Variants in ROCK1 observed in about 807,000 individuals in gnomAD.
ROCK1 encodes the protein Rho associated coiled-coil containing protein kinase 1, also known as rho-associated protein kinase 1.
ROCK1 carries 36 observed loss-of-function variants against 196.8 expected under a neutral mutation model. That is an observed-to-expected ratio of 0.18 (90% CI 0.14 to 0.24). The LOEUF is 0.24. Ranked by LOEUF, ROCK1 falls within the 10% of genes least tolerant of loss-of-function variation. ROCK1 has a pLI of 1.00. For missense variants in ROCK1, 920 were observed against 1,562.0 expected, an observed-to-expected ratio of 0.59 and a Z score of 6.93; for synonymous variants, 443 against 515.9, an observed-to-expected ratio of 0.86 and a Z score of 1.91.
chr18:20,985,411 C>T (rs566808856), intron 19 of ROCK1, among the ~76,000 whole-genome samples: 7 of 152,236 alleles, frequency 4.6e-5, no homozygotes, highest in African/African-American at 1.2e-4. Flanking sequence ...ATTTCTTGTA[C>T]GCACTACTCC....
chr18:21,038,086 T>C (rs2036072452), intron 9 of ROCK1, among the ~76,000 whole-genome samples: 1 of 152,180 alleles, frequency 6.6e-6, no homozygotes, highest in Non-Finnish European at 1.5e-5. Flanking sequence ...TTTATTCAGA[T>C]TTATAATAAT....
chr18:21,078,150 G>A (rs550272318), intron 1 of ROCK1, among the ~76,000 whole-genome samples: 10 of 152,204 alleles, frequency 6.6e-5, no homozygotes, highest in African/African-American at 2.2e-4. Flanking sequence ...CCAATATGGC[G>A]AAACCCCGTC....
At position 21,028,757 on chromosome 18, in the gene ROCK1, C is replaced by T. The variant is rs1380100008; in HGVS notation, c.1211+19G>A. The T allele has an allele frequency of 1.3e-6, 2 of 1,576,352 alleles. No homozygotes were observed. Among genetic ancestry groups the T allele is most frequent in the Admixed American group, 2.0e-5 (1 of 49,290 alleles). ...CAAAATCAGCACTTACTCCTATAATCACTGTTTAGCATACTTACCTACGAT... is the reference window on the plus strand; with the variant it reads ...CAAAATCAGCACTTACTCCTATAATTACTGTTTAGCATACTTACCTACGAT... On this transcript the variant is annotated intron_variant, in intron 10 of 32. Coordinates refer to ENST00000399799, the MANE Select transcript of ROCK1 (RefSeq NM_005406.3).
At chr18:21,062,684 GGAGAAGCTTGCCA>G (rs1357840771) in intron 2 of ROCK1, among the ~76,000 whole-genome samples, 1 of 152,084 alleles carries the variant, frequency 6.6e-6, no homozygotes, top group Non-Finnish European at 1.5e-5. Flanking sequence ...ACTTACTAGT[GGAGAAGCTTGCCA>G]GACACTACCT....
At chr18:21,083,500 T>C (rs570620827) in intron 1 of ROCK1, among the ~76,000 whole-genome samples, 3 of 152,112 alleles carry the variant, frequency 2.0e-5, no homozygotes, top group South Asian at 2.1e-4. Flanking sequence ...TCAAACAACA[T>C]AAGTTTCAAC....
rs2035881631 is a variant in ROCK1 at position 21,018,246 on chromosome 18, T to G, written c.1361+1905A>C. On this transcript the variant is annotated intron_variant, in intron 12 of 32. Transcript: ENST00000399799. ...TTTTAATTTTGTTTAAAAATTTTTT[T>G]GGGCCAGGCACGGTGGCTCACGCCT... Among the ~76,000 whole-genome samples, 4 of 152,094 alleles carry G rather than the reference T, an allele frequency of 2.6e-5. 1 individual carries two copies. In the South Asian group the frequency reaches 8.3e-4, roughly 32 times the overall value.
intron 1 of ROCK1, among the ~76,000 whole-genome samples, chr18:21,081,335 C>T (rs1369440747): frequency 1.3e-5 from 2 of 151,838 alleles, no homozygotes; most frequent in Non-Finnish European, 2.9e-5. Flanking sequence ...ATACAATGTA[C>T]CAAACCTAGT....
At chr18:20,997,450 A>G (rs751737535) in intron 16 of ROCK1, among the ~76,000 whole-genome samples, 2 of 152,228 alleles carry the variant, frequency 1.3e-5, no homozygotes, top group African/African-American at 2.4e-5. Context: ...GAATATAACA[A>G]TTGTAAATAC....
chr18:20,977,249 G>T (rs535517772), intron 22 of ROCK1, among the ~76,000 whole-genome samples: 161 of 152,164 alleles, frequency 1.1e-3, no homozygotes, highest in Non-Finnish European at 1.2e-3. Flanking sequence ...ATAGACAATA[G>T]ACAACAATAG....
intron 19 of ROCK1, among the ~76,000 whole-genome samples, chr18:20,985,078 G>C (rs1235598384): frequency 6.6e-6 from 1 of 151,600 alleles, no homozygotes; most frequent in Non-Finnish European, 1.5e-5. Flanking sequence ...TCCAGCCTGA[G>C]TGACAGTGAG....
chr18:20,976,926 A>G (rs1460563181), intron 22 of ROCK1, among the ~76,000 whole-genome samples: 7 of 152,180 alleles, frequency 4.6e-5, no homozygotes, highest in African/African-American at 1.7e-4. Flanking sequence ...CTTGGGAGTC[A>G]GCCTGAAAAT....
intron 18 of ROCK1, among the ~76,000 whole-genome samples, chr18:20,990,464 C>G (rs1006076496): frequency 2.6e-5 from 4 of 151,668 alleles, no homozygotes; most frequent in Non-Finnish European, 4.4e-5. Flanking sequence ...GTAATCCCAG[C>G]ACTTTGGGAG....
intron 27 of ROCK1, among the ~76,000 whole-genome samples, chr18:20,966,171 T>C (rs544651771): frequency 2.0e-5 from 3 of 152,340 alleles, no homozygotes; most frequent in Admixed American, 6.5e-5. Flanking sequence ...ATGCATGTTT[T>C]AATAATGATA....
chr18:21,046,369 T>C (rs907439235), intron 4 of ROCK1, among the ~76,000 whole-genome samples: 1 of 152,216 alleles, frequency 6.6e-6, no homozygotes, highest in African/African-American at 2.4e-5. Context: ...TAGCAATTGC[T>C]TAATAAAGGC....
intron 4 of ROCK1, among the ~76,000 whole-genome samples, chr18:21,046,301 T>C (rs551186152): frequency 5.9e-5 from 9 of 152,316 alleles, no homozygotes; most frequent in African/African-American, 1.9e-4. Context: ...CTGTAAGGAC[T>C]ATACTTCGTT....
At chr18:21,059,074 TCAACATGG>T (rs1404739398) in intron 2 of ROCK1, among the ~76,000 whole-genome samples, 2 of 152,082 alleles carry the variant, frequency 1.3e-5, no homozygotes, top group Non-Finnish European at 2.9e-5. Context: ...TTCAAACTCC[TCAACATGG>T]CAAAAAAATA....
intron 16 of ROCK1, among the ~76,000 whole-genome samples, chr18:20,995,627 C>T (rs1235361157): frequency 6.6e-6 from 1 of 152,158 alleles, no homozygotes; most frequent in African/African-American, 2.4e-5. Flanking sequence ...TCAGGTCTGA[C>T]CCAGCACAGT....
rs1332932340 is a variant in ROCK1, at chr18:20,947,071, TATGGGAAAC to T, written c.*4304_*4312del. On this transcript the variant is annotated 3_prime_UTR_variant, in exon 33 of 33. Coordinates refer to ENST00000399799, the MANE Select transcript of ROCK1 (RefSeq NM_005406.3). ...TGAATCTCCAACATCTCAAATACTT[TATGGGAAAC>T]AGTATAGCTTGGGAGAAAGTATCAT... The T allele has an allele frequency of 6.6e-6, 1 of 152,250 alleles. No individual in the cohort carries two copies. Among genetic ancestry groups the T allele is most frequent in the Non-Finnish European group, 1.5e-5 (1 of 68,048 alleles). 9.4% of individuals were successfully genotyped at this position (152,250 alleles called of 1,614,324 possible). A position where few individuals can be genotyped will look rare whatever the true frequency, so the allele number is the denominator to read the frequency against.
At chr18:21,015,513 T>C (rs1177956704) in intron 12 of ROCK1, 34 bp from the exon 13 acceptor site, 3 of 1,310,346 alleles carry the variant, frequency 2.3e-6, no homozygotes, top group Admixed American at 1.8e-5. Context: ...ATTAGAAATA[T>C]ACGTATTTCT....
Sources: gnomAD v4.1 joint callset for allele counts (sites outside exome capture counted in the v4.1 genomes callset) on GRCh38, gnomAD v4.1.1 for gene constraint, MANE v1.5 for transcripts, NCBI Gene and HGNC (gene_info 2026-07-23, HGNC 2026-07-21) for gene names.